Variants in GNE observed in about 807,000 individuals in gnomAD.
The protein encoded by GNE is bifunctional UDP-N-acetylglucosamine 2-epimerase/N-acetylmannosamine kinase.
Under a neutral mutation model 61.8 loss-of-function variants are expected in GNE, and 41 were observed. The ratio of observed to expected loss-of-function variants is 0.66; its 90% CI spans 0.52 to 0.86. The LOEUF is 0.86. GNE is among the 40% of genes least tolerant of loss of function. The pLI is 0.00. For synonymous variants in GNE, 264 were observed against 326.4 expected, an observed-to-expected ratio of 0.81 and a Z score of 2.06; for missense variants, 608 against 909.1, an observed-to-expected ratio of 0.67 and a Z score of 4.26.
intron 3 of GNE, among the ~76,000 whole-genome samples, chr9:36,239,537 A>C (rs562119031): frequency 2.0e-5 from 3 of 151,138 alleles, no homozygotes; most frequent in African/African-American, 4.9e-5. Flanking sequence ...CAATGGTGCG[A>C]TCTCGGCTCA....
At position 36,249,568 on chromosome 9, in the gene GNE, T is replaced by C. The variant is rs182888437; in HGVS notation, c.-42-171A>G. ...CCTCCACTTATGTGTGACTCTCCCA[T>C]TGGTATATCCAGAGTTAAGAAACTC... On this transcript the variant is annotated intron_variant, in intron 1 of 11. Coordinates refer to ENST00000642385, the MANE Select transcript of GNE (RefSeq NM_005476.7). 5.6e-3 allele frequency among the ~76,000 whole-genome samples: 849 copies of C among 152,222 alleles called. 9 individuals carry two copies. The highest frequency in any genetic ancestry group is 0.019 in the African/African-American group (792 of 41,544).
chr9:36,266,221 G>A (rs937450111), intron 1 of GNE, among the ~76,000 whole-genome samples: 6 of 151,994 alleles, frequency 3.9e-5, no homozygotes, highest in Non-Finnish European at 7.4e-5. Flanking sequence ...ATAAGCCACC[G>A]CGCCCGACCT....
rs1241109557 is a variant in GNE at position 36,216,396 on chromosome 9, C to CTCA, written c.*968_*969insTGA. 2 of 347,892 alleles carry CTCA rather than the reference C, an allele frequency of 5.7e-6. No individual in the cohort carries two copies. The highest frequency in any genetic ancestry group is 6.2e-6 in the Non-Finnish European group (1 of 162,068). 21.6% of individuals were successfully genotyped at this position (347,892 alleles called of 1,614,324 possible). A position where few individuals can be genotyped will look rare whatever the true frequency, so the allele number is the denominator to read the frequency against. On this transcript the variant is annotated 3_prime_UTR_variant, in exon 12 of 12. Coordinates refer to ENST00000642385, the MANE Select transcript of GNE (RefSeq NM_005476.7). ...TGTCACCCAGGGTGGAGTGCAGTGGCATGATCTCGGCTCACTGCAACCTCC... is the reference window on the plus strand; with the variant it reads ...TGTCACCCAGGGTGGAGTGCAGTGGCTCAATGATCTCGGCTCACTGCAACCTCC...
chr9:36,260,605 C>T (rs979668360), upstream of GNE, among the ~76,000 whole-genome samples: 1 of 152,092 alleles, frequency 6.6e-6, no homozygotes, highest in Non-Finnish European at 1.5e-5. Context: ...CGCGGTGGCT[C>T]ACGCCTGTAA....
intron 1 of GNE, among the ~76,000 whole-genome samples, chr9:36,257,802 CAAAAA>C (rs60845805): frequency 3.0e-3 from 75 of 25,210 alleles, no homozygotes; most frequent in Non-Finnish European, 3.6e-3. Context: ...GACTCAGTCT[CAAAAA>C]AAAAAAAAAA....
intron 3 of GNE, among the ~76,000 whole-genome samples, chr9:36,237,620 T>C (rs1362462726): frequency 1.3e-5 from 2 of 151,870 alleles, no homozygotes; most frequent in African/African-American, 4.8e-5. Context: ...TATTATCCCA[T>C]AAAACTGAAA....
At chr9:36,222,574 C>T (rs1189607920) in intron 9 of GNE, among the ~76,000 whole-genome samples, 1 of 152,198 alleles carries the variant, frequency 6.6e-6, no homozygotes, top group Non-Finnish European at 1.5e-5. Context: ...TTGAATAGCT[C>T]TGACAAGTTC....
At chr9:36,228,935 A>G in intron 6 of GNE, 86 bp downstream of exon 6, 1 of 847,646 alleles carries the variant, frequency 1.2e-6, no homozygotes, top group Non-Finnish European at 2.1e-6. Flanking sequence ...CTCTGTTAGG[A>G]TGATTAAACA....
Position 36,249,394 on chromosome 9 carries a change from G to T in GNE, c.-39C>A. On this transcript the variant is annotated 5_prime_UTR_variant, in exon 2 of 12. Transcript: ENST00000642385. ...CGTTTTGAGAGGTTCTTAAAATAGA[G>T]TTCCTGAAATTGCCAAAATAAAAAC... 1 of 1,601,638 alleles carries T rather than the reference G, an allele frequency of 6.2e-7. No individual in the cohort carries two copies.
rs1032180596 is a variant in GNE, at chr9:36,258,295, G to C, written c.-43+26C>G. The stretch of plus-strand genomic sequence containing the variant: ...GGGGTGGGCAGGATGCTCTCCCGGA[G>C]TCCCACGCCGCCGCGCGGCTCTCAC... On this transcript the variant is annotated intron_variant, in intron 1 of 11. Transcript: ENST00000642385. 3.0e-6 allele frequency: 3 copies of C among 984,086 alleles called. No individual in the cohort carries two copies. In the South Asian group the frequency reaches 1.4e-4, roughly 46 times the overall value. The allele number at this position is 984,086 out of a possible 1,614,324, so 61.0% of individuals were successfully genotyped here.
At chr9:36,256,314 G>A (rs7038067) in intron 1 of GNE, among the ~76,000 whole-genome samples, 108,871 of 143,814 alleles carry the variant, frequency 0.76, 41,409 homozygotes, top group Non-Finnish European at 0.8. Flanking sequence ...GTGCAATCTC[G>A]GCTCACTGCA....
intron 1 of GNE, among the ~76,000 whole-genome samples, chr9:36,249,663 G>C (rs1830038276): frequency 6.6e-6 from 1 of 152,016 alleles, no homozygotes; most frequent in African/African-American, 2.4e-5. Flanking sequence ...CAGATCACGA[G>C]GTCAGGAGAT....
chr9:36,262,094 G>A (rs890443544), upstream of GNE, among the ~76,000 whole-genome samples: 2 of 151,990 alleles, frequency 1.3e-5, no homozygotes, highest in Non-Finnish European at 2.9e-5. Flanking sequence ...ACATAGGTGT[G>A]TTTAGTTTGT....
intron 5 of GNE, among the ~76,000 whole-genome samples, chr9:36,230,188 C>A (rs890118435): frequency 6.6e-6 from 1 of 152,212 alleles, no homozygotes; most frequent in Non-Finnish European, 1.5e-5. Flanking sequence ...AGTGATCCAC[C>A]TGCCTTGGCC....
chr9:36,237,247 ACT>A (rs959639041), intron 3 of GNE, among the ~76,000 whole-genome samples: 1 of 152,216 alleles, frequency 6.6e-6, no homozygotes, highest in African/African-American at 2.4e-5. Context: ...CTAGAAATTC[ACT>A]GTTTTAAAAC....
intron 1 of GNE, among the ~76,000 whole-genome samples, chr9:36,254,159 C>T (rs551047981): frequency 1.0e-3 from 155 of 151,898 alleles, no homozygotes; most frequent in African/African-American, 3.6e-3. Context: ...GAGCTGAGAT[C>T]GCACCACTGC....
rs895277957 is a variant in GNE, at chr9:36,216,225, G to A, written c.*1140C>T. The A allele has an allele frequency of 1.1e-5, 5 of 452,388 alleles. No individual in the cohort carries two copies. Among genetic ancestry groups the A allele is most frequent in the African/African-American group, 8.0e-5 (4 of 49,898 alleles). 28.0% of individuals were successfully genotyped at this position (452,388 alleles called of 1,614,324 possible). A position where few individuals can be genotyped will look rare whatever the true frequency, so the allele number is the denominator to read the frequency against. On this transcript the variant is annotated 3_prime_UTR_variant, in exon 12 of 12. Transcript: ENST00000642385. ...TGTAGGCTTTAAAAACAATAAAGCTGTTTTAAAAAAAAGTGTACTTAAGCC... is the reference window on the plus strand; with the variant it reads ...TGTAGGCTTTAAAAACAATAAAGCTATTTTAAAAAAAAGTGTACTTAAGCC...
At chr9:36,264,167 C>T (rs1767395079) in intron 1 of GNE, among the ~76,000 whole-genome samples, 1 of 152,008 alleles carries the variant, frequency 6.6e-6, no homozygotes, top group South Asian at 2.1e-4. Flanking sequence ...GAGTCTCACT[C>T]TGTCACCCAG....
At chr9:36,274,949 C>T (rs1036540268) in intron 1 of GNE, among the ~76,000 whole-genome samples, 2 of 152,176 alleles carry the variant, frequency 1.3e-5, no homozygotes, top group Non-Finnish European at 2.9e-5. Context: ...TGGTCTTGAT[C>T]TCCTGACCTC....
Sources: allele counts gnomAD v4.1 joint callset (sites outside exome capture counted in the v4.1 genomes callset), GRCh38; gene constraint gnomAD v4.1.1; transcripts MANE v1.5; gene names NCBI Gene and HGNC (gene_info 2026-07-23, HGNC 2026-07-21).